CKM: variants seen among roughly 807,000 people sequenced by gnomAD.
CKM encodes the protein creatine kinase M-type.
In CKM, 28 loss-of-function variants were observed where a neutral mutation model predicts 35.4. That is an observed-to-expected ratio of 0.79 (90% CI 0.59 to 1.08). The LOEUF (loss-of-function observed/expected upper bound fraction) is 1.08, where lower values mean the gene tolerates loss of function less well. CKM is among the 50% of genes least tolerant of loss of function. CKM has a pLI of 0.00. For synonymous variants in CKM, 215 were observed against 204.4 expected (o/e 1.05, Z -0.44); for missense variants, 484 against 509.8 (o/e 0.95, Z 0.49).
Position 45,319,582 on chromosome 19 carries a change from G to C in CKM, c.132C>G (p.Asp44Glu), listed in dbSNP as rs532075800. Residue 44 changes from aspartate to glutamate, a missense_variant, in exon 2 of 8, where the codon GAC (aspartate) becomes GAG (glutamate). By Grantham distance (45) the Asp-to-Glu change is conservative. Coordinates refer to ENST00000221476, the MANE Select transcript of CKM (RefSeq NM_001824.5). ...CAGTGAAGCCAGATGGAGTCTCCTT[G>C]TCCCGCAGCTTCTTGTAGAGTTCAA... ...LTLELYKKLR[D>E]KETPSGFTVD... is the part of the protein sequence containing the mutation. 1.2e-6 allele frequency: 2 copies of C among 1,614,106 alleles called. No homozygotes were observed. Among genetic ancestry groups the C allele is most frequent in the South Asian group, 2.2e-5 (2 of 91,072 alleles).
At chr19:45,312,849 G>A (rs1304170783) in intron 4 of CKM, among the ~76,000 whole-genome samples, 1 of 151,426 alleles carries the variant, frequency 6.6e-6, no homozygotes, top group African/African-American at 2.4e-5. Context: ...AGCTACTCAA[G>A]AGGCTGAGGC....
intron 6 of CKM, 91 bp downstream of exon 6, chr19:45,308,318 G>A (rs1432272290): frequency 6.6e-7 from 1 of 1,518,680 alleles, no homozygotes. Flanking sequence ...GGTGGGGCAG[G>A]GCTTAGTATA....
chr19:45,310,720 C>T (rs1003992456), intron 5 of CKM, among the ~76,000 whole-genome samples: 7 of 143,278 alleles, frequency 4.9e-5, no homozygotes, highest in East Asian at 4.1e-4. Context: ...CTCAGCCTCT[C>T]GAGTAGCTGG....
Position 45,306,526 on chromosome 19 carries a change from A to C in CKM, c.*224T>G, listed in dbSNP as rs1373823582. 3.4e-6 allele frequency: 2 copies of C among 582,468 alleles called. No individual in the cohort carries two copies. Among genetic ancestry groups the C allele is most frequent in the Non-Finnish European group, 6.1e-6 (2 of 325,894 alleles). 36.1% of individuals were successfully genotyped at this position (582,468 alleles called of 1,614,324 possible). On this transcript the variant is annotated 3_prime_UTR_variant, in exon 8 of 8. Transcript: ENST00000221476. The surrounding 1 kb of genome is among the most constrained non-coding windows in gnomAD (Gnocchi z 4.5). ...CCTGGTTGGGGTGGAGCTCTGGGAA[A>C]AGAAGAGGACCCTGCCAGGGAGATA...
rs17875596 is a variant in CKM, at chr19:45,320,114, TCTCA to T, written c.-18-387_-18-384del. On this transcript the variant is annotated intron_variant, in intron 1 of 7. Coordinates refer to ENST00000221476, the MANE Select transcript of CKM (RefSeq NM_001824.5). The stretch of plus-strand genomic sequence containing the variant: ...TTTTCTTCTTTTTTTTGAGATGGAG[TCTCA>T]CTCTGTTACCCAGGTTGGAGTGCAG... 2.4e-3 allele frequency among the ~76,000 whole-genome samples: 331 copies of T among 140,122 alleles called. 2 individuals are homozygous for T. Among genetic ancestry groups the T allele is most frequent in the African/African-American group, 8.6e-3 (319 of 37,264 alleles). 91.9% of individuals were successfully genotyped at this position (140,122 alleles called of 152,430 possible).
At chr19:45,308,629 G>A (rs541484876) in intron 5 of CKM, 97 bp from the exon 6 acceptor site, 50 of 1,518,062 alleles carry the variant, frequency 3.3e-5, no homozygotes, top group South Asian at 3.3e-4. Context: ...GATGGGGGAA[G>A]AGGGCCTGAG....
chr19:45,320,171 C>T (rs1341907708), intron 1 of CKM, among the ~76,000 whole-genome samples: 1 of 152,062 alleles, frequency 6.6e-6, no homozygotes, highest in Admixed American at 6.6e-5. Context: ...ACTGCAGCCT[C>T]CACCTCCCAG....
intron 4 of CKM, among the ~76,000 whole-genome samples, chr19:45,315,121 C>T (rs1971144246): frequency 6.6e-6 from 1 of 152,130 alleles, no homozygotes. Flanking sequence ...CCTCTTGTCT[C>T]CCCACCAGCT....
In CKM at chr19:45,322,217, C is replaced by A. The variant is rs909622584; in HGVS notation, c.-19+604G>T. Among the ~76,000 whole-genome samples, 4 of 151,792 alleles carry A rather than the reference C, an allele frequency of 2.6e-5. No individual in the cohort carries two copies. In the South Asian group the frequency reaches 8.3e-4, roughly 32 times the overall value. ...AGGGCACTGAGGCAGGGTGGTGACC[C>A]CCCCCACAAGAGACATAAGCAGAAA... On this transcript the variant is annotated intron_variant, in intron 1 of 7. Coordinates refer to ENST00000221476, the MANE Select transcript of CKM (RefSeq NM_001824.5).
Position 45,311,776 on chromosome 19 carries a change from C to T in CKM, c.626G>A (p.Arg209His), listed in dbSNP as rs937525601. ...SPLLLASGMA[R>H]DWPDARGIWH... The stretch of plus-strand genomic sequence containing the variant: ...GATGCCACGGGCGTCGGGCCAGTCG[C>T]GGGCCATGCCTGAGGCCAGCAGCAG... Residue 209 changes from arginine to histidine, a missense_variant, in exon 5 of 8, where the codon CGC (arginine) becomes CAC (histidine). Coordinates refer to ENST00000221476, the MANE Select transcript of CKM (RefSeq NM_001824.5). 4.6e-5 allele frequency: 74 copies of T among 1,599,302 alleles called. No individual in the cohort carries two copies. The highest frequency in any genetic ancestry group is 6.0e-5 in the Non-Finnish European group (70 of 1,173,330).
chr19:45,320,809 T>C (rs973399515), intron 1 of CKM, among the ~76,000 whole-genome samples: 1 of 152,140 alleles, frequency 6.6e-6, no homozygotes, highest in African/African-American at 2.4e-5. Flanking sequence ...CATGGGAGTG[T>C]TGAAAAGATT....
rs1254595507 is a variant in CKM, at chr19:45,307,504, G to A, written c.924C>T (p.Phe308=). ...KLAHLSKHPK[F]EEILTRLRLQ... Reference sequence around the variant, plus strand: ...GACGCAGGCGGGTGAGGATCTCCTCGAACTTGGGGTGCTTGCTCAGGTGCG... The same window carrying A: ...GACGCAGGCGGGTGAGGATCTCCTCAAACTTGGGGTGCTTGCTCAGGTGCG... The change falls in exon 7 of 8, where the codon TTC becomes TTT. Residue 308 remains phenylalanine, a synonymous_variant. Transcript: ENST00000221476. 2.5e-6 allele frequency: 4 copies of A among 1,613,772 alleles called. No homozygotes were observed. The highest frequency in any genetic ancestry group is 1.3e-5 in the African/African-American group (1 of 74,926).
At chr19:45,318,017 C>T in intron 2 of CKM, 38 bp from the exon 3 acceptor site, 13 of 1,604,434 alleles carry the variant, frequency 8.1e-6, no homozygotes, top group Non-Finnish European at 1.1e-5. Flanking sequence ...TGCTTGTCCC[C>T]AGCAAACAGG....
chr19:45,306,846 C>G lies in CKM; in HGVS notation c.1050G>C (p.Val350=). ...DRLGSSEVEQ[V]QLVVDGVKLM... ...GCTTCACACCATCCACCACCAGCTGCACCTGTTCTACTTCGGACGAGCCCA... is the reference window on the plus strand; with the variant it reads ...GCTTCACACCATCCACCACCAGCTGGACCTGTTCTACTTCGGACGAGCCCA... Residue 350 remains valine (V), a synonymous_variant, in exon 8 of 8, where the codon GTG becomes GTC. Coordinates refer to ENST00000221476, the MANE Select transcript of CKM (RefSeq NM_001824.5). The surrounding 1 kb of genome is among the most constrained non-coding windows in gnomAD (Gnocchi z 4.5). 6.2e-7 allele frequency: 1 copy of G among 1,614,218 alleles called. No individual in the cohort carries two copies. Among genetic ancestry groups the G allele is most frequent in the Non-Finnish European group, 8.5e-7 (1 of 1,180,042 alleles).
chr19:45,314,951 A>C (rs1199590517), intron 4 of CKM, among the ~76,000 whole-genome samples: 3 of 143,770 alleles, frequency 2.1e-5, no homozygotes, highest in Non-Finnish European at 3.0e-5. Flanking sequence ...GGCTCAAGCG[A>C]CCCTCCCTCC....
rs1033468796 is a variant in CKM at position 45,317,438 on chromosome 19, C to T, written c.348+387G>A. Among the ~76,000 whole-genome samples the T allele has an allele frequency of 1.2e-4, 18 of 152,298 alleles. No homozygotes were observed. In the East Asian group the frequency reaches 3.3e-3, roughly 28 times the overall value. ...ACGTAGCTGGGATTACAGGCATGTG[C>T]CACCACACCCAGCTAATTCTGTATT... On this transcript the variant is annotated intron_variant, in intron 3 of 7. Coordinates refer to ENST00000221476, the MANE Select transcript of CKM (RefSeq NM_001824.5).
chr19:45,310,937 A>ATTTTT (rs71173145), intron 5 of CKM, among the ~76,000 whole-genome samples: 1 of 129,810 alleles, frequency 7.7e-6, no homozygotes, highest in Non-Finnish European at 1.6e-5. Context: ...CGCCGGGCTA[A>ATTTTT]TTTTTTTTTT....
At chr19:45,322,761 C>G (rs1971225199) in intron 1 of CKM, 60 bp downstream of exon 1, 2 of 961,832 alleles carry the variant, frequency 2.1e-6, no homozygotes, top group South Asian at 4.8e-5. Flanking sequence ...AGCCAAGCCT[C>G]TAGCACCCAC....
At chr19:45,314,672 C>G (rs557297999) in intron 4 of CKM, among the ~76,000 whole-genome samples, 1 of 152,000 alleles carries the variant, frequency 6.6e-6, no homozygotes, top group Non-Finnish European at 1.5e-5. Flanking sequence ...CCTCAGCTTC[C>G]CAAAATGCTG....
Sources: gnomAD v4.1 joint callset for allele counts (sites outside exome capture counted in the v4.1 genomes callset) on GRCh38, gnomAD v4.1.1 for gene constraint, Gnocchi (gnomAD v3.1) non-coding constraint, MANE v1.5 for transcripts, NCBI Gene and HGNC (gene_info 2026-07-23, HGNC 2026-07-21) for gene names.